Variants in SGCZ observed in about 807,000 individuals in gnomAD.
SGCZ encodes zeta-sarcoglycan.
In SGCZ, 40 loss-of-function variants were observed where a neutral mutation model predicts 41.3. The observed-to-expected ratio is 0.97, with a 90% CI of 0.75 to 1.26. SGCZ has a LOEUF of 1.26. Ranked by LOEUF, SGCZ falls within the 50% of genes most tolerant of loss-of-function variation. The pLI is 0.00. For synonymous variants in SGCZ, 206 were observed against 137.5 expected, an observed-to-expected ratio of 1.50 and a Z score of -3.49; for missense variants, 552 against 369.8, an observed-to-expected ratio of 1.49 and a Z score of -4.04.
rs201884823 is a variant in SGCZ at position 14,587,389 on chromosome 8, A to AT, written c.40-32464_40-32463insA. ...CATTTGGAGCTAAAAAAAAAAAAAA[A>AT]GTTTGGGTGTTGTGGCTCACAGATG... On this transcript the variant is annotated intron_variant, in intron 1 of 7. Transcript: ENST00000382080. Among the ~76,000 whole-genome samples, 613 of 148,528 alleles carry AT rather than the reference A, an allele frequency of 4.1e-3. 5 individuals are homozygous for AT. The highest frequency in any genetic ancestry group is 0.012 in the African/African-American group (486 of 41,018).
intron 4 of SGCZ, among the ~76,000 whole-genome samples, chr8:14,188,931 GAGCAACCTCCATCACCCGGGTTCA>G (rs1216856094): frequency 6.7e-6 from 1 of 149,506 alleles, no homozygotes; most frequent in East Asian, 2.0e-4. Context: ...ACCCGGGTTC[GAGCAACCTCCATCACCCGGGTTCA>G]AGCAATTCTT....
In SGCZ at chr8:14,937,510, C is replaced by T. The variant is rs536589190; in HGVS notation, c.39+300075G>A. On this transcript the variant is annotated intron_variant, in intron 1 of 7. Coordinates refer to ENST00000382080, the MANE Select transcript of SGCZ (RefSeq NM_139167.4). ...AAAATCTTACAAAAACCCTACAACTCATTTTATCAAGTTATCTCTTTGTTA... is the reference window on the plus strand; with the variant it reads ...AAAATCTTACAAAAACCCTACAACTTATTTTATCAAGTTATCTCTTTGTTA... 3.7e-3 allele frequency among the ~76,000 whole-genome samples: 569 copies of T among 152,118 alleles called. 4 individuals carry two copies. Among genetic ancestry groups the T allele is most frequent in the Middle Eastern group, 0.017 (5 of 294 alleles).
intron 1 of SGCZ, among the ~76,000 whole-genome samples, chr8:14,646,624 GA>G (rs2117444319): frequency 6.6e-6 from 1 of 151,590 alleles, no homozygotes; most frequent in South Asian, 2.1e-4. Flanking sequence ...AGCTCTGTGA[GA>G]AATTTCTGAA....
At chr8:14,462,349 T>C (rs1800925599) in intron 2 of SGCZ, among the ~76,000 whole-genome samples, 1 of 152,068 alleles carries the variant, frequency 6.6e-6, no homozygotes, top group Non-Finnish European at 1.5e-5. Flanking sequence ...CTTTTTATTA[T>C]TTTAGTAAAA....
At chr8:14,320,457 C>CTAT (rs1432873747) in intron 3 of SGCZ, among the ~76,000 whole-genome samples, 1 of 150,026 alleles carries the variant, frequency 6.7e-6, no homozygotes, top group Non-Finnish European at 1.5e-5. Context: ...ATTATTATTA[C>CTAT]TATTATTATT....
chr8:14,834,572 G>T (rs924657103), intron 1 of SGCZ, among the ~76,000 whole-genome samples: 1 of 152,162 alleles, frequency 6.6e-6, no homozygotes, highest in African/African-American at 2.4e-5. Flanking sequence ...GATCTGAAAA[G>T]ATGTTATTCC....
intron 5 of SGCZ, among the ~76,000 whole-genome samples, chr8:14,116,968 A>G (rs1802542541): frequency 6.6e-6 from 1 of 152,092 alleles, no homozygotes; most frequent in Non-Finnish European, 1.5e-5. Context: ...TTTGCAATTT[A>G]TAACGATTAA....
At chr8:15,130,983 C>A (rs1351800099) in intron 1 of SGCZ, among the ~76,000 whole-genome samples, 2 of 152,094 alleles carry the variant, frequency 1.3e-5, no homozygotes, top group Admixed American at 1.3e-4. Flanking sequence ...AATGAATGAA[C>A]TCAGCAGCCT....
At chr8:14,788,359 G>A (rs1365136146) in intron 1 of SGCZ, among the ~76,000 whole-genome samples, 1 of 152,120 alleles carries the variant, frequency 6.6e-6, no homozygotes, top group African/African-American at 2.4e-5. Context: ...TCTAAGTGTT[G>A]GCTTCCTCAT....
intron 4 of SGCZ, among the ~76,000 whole-genome samples, chr8:14,181,000 CAT>C (rs1804706025): frequency 1.3e-5 from 2 of 152,096 alleles, no homozygotes. Flanking sequence ...GTAGAGCAGT[CAT>C]AGAGTCGATA....
At chr8:14,687,528 C>T (rs913403306) in intron 1 of SGCZ, among the ~76,000 whole-genome samples, 4 of 151,844 alleles carry the variant, frequency 2.6e-5, no homozygotes, top group Non-Finnish European at 4.4e-5. Flanking sequence ...ATGAACTCAT[C>T]ATTTTTTATG....
intron 1 of SGCZ, among the ~76,000 whole-genome samples, chr8:14,838,499 G>T (rs1802783420): frequency 6.6e-6 from 1 of 152,086 alleles, no homozygotes; most frequent in African/African-American, 2.4e-5. Flanking sequence ...CCAGGAGCAG[G>T]TACCATACAA....
In SGCZ at chr8:14,087,907, A is replaced by G. The variant is rs17118606; in HGVS notation, c.*2536T>C. 0.022 allele frequency among the ~76,000 whole-genome samples: 3,334 copies of G among 151,726 alleles called. 136 individuals are homozygous for G. Among genetic ancestry groups the G allele is most frequent in the African/African-American group, 0.076 (3,164 of 41,442 alleles). ...GAATAGGAAAGCCATCGCTATCACTATATTTTCTACTGTACTGAACCGATT... is the reference window on the plus strand; with the variant it reads ...GAATAGGAAAGCCATCGCTATCACTGTATTTTCTACTGTACTGAACCGATT... On this transcript the variant is annotated 3_prime_UTR_variant, in exon 8 of 8. Coordinates refer to ENST00000382080, the MANE Select transcript of SGCZ (RefSeq NM_139167.4).
chr8:14,494,874 A>G (rs1801945980), intron 2 of SGCZ, among the ~76,000 whole-genome samples: 1 of 152,164 alleles, frequency 6.6e-6, no homozygotes, highest in Non-Finnish European at 1.5e-5. Context: ...TTAATATTAG[A>G]TTTTAATTTG....
intron 2 of SGCZ, among the ~76,000 whole-genome samples, chr8:14,547,860 G>A (rs1200369195): frequency 6.6e-6 from 1 of 152,056 alleles, no homozygotes; most frequent in African/African-American, 2.4e-5. Context: ...AATATCATCT[G>A]GATTTACAAA....
At chr8:14,270,073 T>C (rs1800008048) in intron 3 of SGCZ, among the ~76,000 whole-genome samples, 1 of 152,142 alleles carries the variant, frequency 6.6e-6, no homozygotes, top group Non-Finnish European at 1.5e-5. Flanking sequence ...GGTTCACGCC[T>C]ATAATCCCGG....
chr8:14,588,169 T>G (rs989483778), intron 1 of SGCZ, among the ~76,000 whole-genome samples: 1 of 146,980 alleles, frequency 6.8e-6, no homozygotes. Context: ...TATGATAAAA[T>G]TTTTCAGGAA....
intron 1 of SGCZ, among the ~76,000 whole-genome samples, chr8:14,809,859 A>G (rs927959047): frequency 1.3e-5 from 2 of 152,156 alleles, no homozygotes; most frequent in African/African-American, 2.4e-5. Context: ...AACGCAAGCC[A>G]TAAGAAATGT....
intron 1 of SGCZ, among the ~76,000 whole-genome samples, chr8:15,036,143 G>C (rs1029640335): frequency 2.0e-5 from 3 of 151,938 alleles, no homozygotes; most frequent in African/African-American, 7.3e-5. Flanking sequence ...AAATGAAAAA[G>C]GAGATGTTAC....
Sources: gnomAD v4.1 joint callset for allele counts (sites outside exome capture counted in the v4.1 genomes callset) on GRCh38, gnomAD v4.1.1 for gene constraint, MANE v1.5 for transcripts, NCBI Gene and HGNC (gene_info 2026-07-23, HGNC 2026-07-21) for gene names.